The following RBFOX1 variants were observed in gnomAD, a reference collection of about 807,000 sequenced individuals.
RBFOX1 encodes RNA binding protein fox-1 homolog 1.
A neutral mutation model predicts 57.7 loss-of-function variants in RBFOX1; 8 were observed. The observed-to-expected ratio is 0.14, with a 90% CI of 0.08 to 0.25. The LOEUF is 0.25. Among genes scored for constraint, RBFOX1 ranks in the 10% least tolerant of loss-of-function variants. RBFOX1 has a pLI of 1.00. For missense variants in RBFOX1, 611 were observed against 548.5 expected (o/e 1.11, Z -1.14); for synonymous variants, 326 against 222.4 (o/e 1.47, Z -4.15).
intron 3 of RBFOX1, among the ~76,000 whole-genome samples, chr16:6,730,873 G>T (rs768885715): frequency 2.0e-5 from 3 of 152,172 alleles, no homozygotes; most frequent in Non-Finnish European, 4.4e-5. Context: ...ACCCCACCCT[G>T]CTTCCTTGAA....
intron 5 of RBFOX1, among the ~76,000 whole-genome samples, chr16:7,520,543 T>C (rs2152241862): frequency 6.6e-6 from 1 of 152,364 alleles, no homozygotes; most frequent in Admixed American, 6.5e-5. Context: ...AGTACCCCAC[T>C]GTATGGATAG....
At chr16:7,169,542 G>A (rs1013127019) in intron 4 of RBFOX1, among the ~76,000 whole-genome samples, 2 of 152,140 alleles carry the variant, frequency 1.3e-5, no homozygotes, top group Non-Finnish European at 2.9e-5. Context: ...AAATCCCCTT[G>A]TAGAAAAACA....
intron 3 of RBFOX1, among the ~76,000 whole-genome samples, chr16:6,918,102 C>G (rs1231347067): frequency 6.6e-6 from 1 of 152,058 alleles, no homozygotes; most frequent in Non-Finnish European, 1.5e-5. Flanking sequence ...GCCTGGACAA[C>G]ATGGTGAAAC....
At chr16:6,966,781 A>G (rs796294073) in intron 3 of RBFOX1, among the ~76,000 whole-genome samples, 4,934 of 59,774 alleles carry the variant, frequency 0.083, 273 homozygotes, top group African/African-American at 0.2. Context: ...CTATCTATCT[A>G]TCTATCTATC....
chr16:7,552,786 G>A (rs896842658), intron 5 of RBFOX1, among the ~76,000 whole-genome samples: 1 of 152,140 alleles, frequency 6.6e-6, no homozygotes, highest in Admixed American at 6.5e-5. Context: ...AGGCTCAAGA[G>A]ATTCTCCTGC....
At chr16:7,032,242 T>C (rs949876343) in intron 3 of RBFOX1, among the ~76,000 whole-genome samples, 2 of 151,980 alleles carry the variant, frequency 1.3e-5, no homozygotes, top group African/African-American at 4.8e-5. Context: ...CTGACCAACA[T>C]GGTGAAACCC....
intron 1 of RBFOX1, among the ~76,000 whole-genome samples, chr16:6,078,680 G>A (rs539031888): frequency 6.8e-6 from 1 of 147,030 alleles, no homozygotes; most frequent in African/African-American, 2.4e-5. Flanking sequence ...GCAGGGCATC[G>A]TGCTTGCAGC....
intron 1 of RBFOX1, among the ~76,000 whole-genome samples, chr16:6,232,794 T>G (rs1361710086): frequency 1.3e-5 from 2 of 152,134 alleles, no homozygotes; most frequent in East Asian, 1.9e-4. Context: ...TTGCTTCCAC[T>G]TGGACTGGTG....
chr16:6,001,478 T>C (rs2060598969), intron 4 of RBFOX1, among the ~76,000 whole-genome samples: 3 of 152,218 alleles, frequency 2.0e-5, no homozygotes, highest in African/African-American at 7.2e-5. Context: ...GCAATTCCTC[T>C]GGAGCAGCAG....
chr16:7,092,423 T>G (rs2061008594), intron 4 of RBFOX1, among the ~76,000 whole-genome samples: 1 of 152,264 alleles, frequency 6.6e-6, no homozygotes, highest in African/African-American at 2.4e-5. Context: ...ACTTACTGTT[T>G]TGTAACCTGC....
At chr16:5,906,144 A>T (rs143515742) in intron 4 of RBFOX1, among the ~76,000 whole-genome samples, 39 of 152,274 alleles carry the variant, frequency 2.6e-4, no homozygotes, top group African/African-American at 9.4e-4. Context: ...TTAGGGATTG[A>T]GTCATGCCTC....
chr16:5,820,878 C>G (rs1276805700), intron 3 of RBFOX1, among the ~76,000 whole-genome samples: 1 of 152,162 alleles, frequency 6.6e-6, no homozygotes, highest in Non-Finnish European at 1.5e-5. Context: ...AGTCTTCTCT[C>G]CTCTCTGATT....
intron 4 of RBFOX1, among the ~76,000 whole-genome samples, chr16:7,123,653 C>T (rs2067724689): frequency 6.6e-6 from 1 of 152,110 alleles, no homozygotes; most frequent in African/African-American, 2.4e-5. Context: ...GAGTGAGCCA[C>T]CCCACCTGGC....
intron 3 of RBFOX1, among the ~76,000 whole-genome samples, chr16:5,832,369 G>A (rs1480527336): frequency 6.6e-6 from 1 of 152,196 alleles, no homozygotes; most frequent in African/African-American, 2.4e-5. Context: ...GGGAAGAATG[G>A]GGCATGCCCA....
chr16:6,464,314 G>A (rs1306476693), intron 2 of RBFOX1, among the ~76,000 whole-genome samples: 2 of 152,120 alleles, frequency 1.3e-5, no homozygotes, highest in Admixed American at 6.5e-5. Flanking sequence ...TTGAAGAGCT[G>A]CTTTTACGAA....
intron 3 of RBFOX1, among the ~76,000 whole-genome samples, chr16:6,867,950 C>T (rs555357772): frequency 3.9e-5 from 6 of 152,246 alleles, no homozygotes; most frequent in South Asian, 4.2e-4. Context: ...AACTATGGCT[C>T]AGACAAATTG....
chr16:7,679,505 A>G (rs546349037), intron 14 of RBFOX1, among the ~76,000 whole-genome samples: 1 of 152,344 alleles, frequency 6.6e-6, no homozygotes, highest in East Asian at 1.9e-4. Flanking sequence ...TCAGTTGATC[A>G]AAAGAGAAAC....
At chr16:5,976,093 A>G (rs2152304537) in intron 4 of RBFOX1, among the ~76,000 whole-genome samples, 1 of 152,248 alleles carries the variant, frequency 6.6e-6, no homozygotes, top group Admixed American at 6.5e-5. Context: ...GCAGTGAGCC[A>G]AGACTCTCTA....
chr16:5,940,627 G>A (rs1002160634), intron 4 of RBFOX1, among the ~76,000 whole-genome samples: 7 of 152,336 alleles, frequency 4.6e-5, no homozygotes, highest in Middle Eastern at 3.4e-3. Flanking sequence ...GACTCCTTCA[G>A]GAAGCAATTA....
Sources: allele counts gnomAD v4.1 joint callset (sites outside exome capture counted in the v4.1 genomes callset), GRCh38; gene constraint gnomAD v4.1.1; transcripts MANE v1.5; gene names NCBI Gene and HGNC (gene_info 2026-07-23, HGNC 2026-07-21).